The following LNPK variants were observed in gnomAD, a reference collection of about 807,000 sequenced individuals.
LNPK encodes the protein lunapark, ER junction formation factor.
Under a neutral mutation model 55.2 loss-of-function variants are expected in LNPK, and 29 were observed. The ratio of observed to expected loss-of-function variants is 0.53; its 90% CI spans 0.39 to 0.72. The LOEUF is 0.72. Among genes scored for constraint, LNPK ranks in the 30% least tolerant of loss-of-function variants. The pLI, the probability that LNPK is intolerant of heterozygous loss-of-function variation, is 0.00. For synonymous variants in LNPK, 162 were observed against 168.2 expected, an observed-to-expected ratio of 0.96 and a Z score of 0.29; for missense variants, 467 against 494.8, an observed-to-expected ratio of 0.94 and a Z score of 0.53.
intron 8 of LNPK, among the ~76,000 whole-genome samples, chr2:175,962,698 AC>A (rs1236036683): frequency 5.9e-5 from 9 of 152,228 alleles, no homozygotes; most frequent in Non-Finnish European, 1.2e-4. Flanking sequence ...GCCACAATAG[AC>A]AAATGGGATC....
chr2:175,979,071 T>C (rs946277621), intron 5 of LNPK, among the ~76,000 whole-genome samples: 4 of 152,078 alleles, frequency 2.6e-5, no homozygotes, highest in Non-Finnish European at 4.4e-5. Flanking sequence ...AAAGTTAATA[T>C]TTTTATATTT....
chr2:175,937,652 A>G, intron 11 of LNPK, 138 bp from the exon 12 acceptor site: 2 of 593,620 alleles, frequency 3.4e-6, no homozygotes, highest in Non-Finnish European at 5.8e-6. Flanking sequence ...TTTAAATAAT[A>G]ATATGGTAGA....
chr2:175,953,461 A>C (rs1313489282), intron 8 of LNPK, among the ~76,000 whole-genome samples: 1 of 152,150 alleles, frequency 6.6e-6, no homozygotes, highest in African/African-American at 2.4e-5. Flanking sequence ...TATCTTCTAC[A>C]GAAACCAGTA....
chr2:175,961,098 T>C, intron 8 of LNPK, among the ~76,000 whole-genome samples: 1 of 152,142 alleles, frequency 6.6e-6, no homozygotes, highest in Non-Finnish European at 1.5e-5. Flanking sequence ...CAGGACCAAA[T>C]GAATTCACAG....
In LNPK at chr2:175,929,137, C is replaced by A. The variant is rs1389810789; in HGVS notation, c.*830G>T. ...AATGAAACTGATGCCAGATTATTTT[C>A]ATTTTCCTTAATAAAATACAAACAA... On this transcript the variant is annotated 3_prime_UTR_variant, in exon 13 of 13. Coordinates refer to ENST00000272748, the MANE Select transcript of LNPK (RefSeq NM_030650.3). The A allele has an allele frequency of 9.2e-6, 9 of 983,364 alleles. No homozygotes were observed. The highest frequency in any genetic ancestry group is 1.1e-5 in the Non-Finnish European group (9 of 827,718). 60.9% of individuals were successfully genotyped at this position (983,364 alleles called of 1,614,324 possible).
At chr2:175,938,029 G>C (rs1284223999) in intron 11 of LNPK, among the ~76,000 whole-genome samples, 1 of 152,142 alleles carries the variant, frequency 6.6e-6, no homozygotes, top group Non-Finnish European at 1.5e-5. Flanking sequence ...CATTAAAGGA[G>C]ACTCTTTGTA....
intron 8 of LNPK, among the ~76,000 whole-genome samples, chr2:175,962,028 A>C (rs1224740428): frequency 6.6e-6 from 1 of 152,224 alleles, no homozygotes; most frequent in African/African-American, 2.4e-5. Context: ...GGAGAACTAC[A>C]AACCACTACT....
chr2:175,960,321 T>TAAAAGAA (rs1685949123), intron 8 of LNPK, among the ~76,000 whole-genome samples: 1 of 152,142 alleles, frequency 6.6e-6, no homozygotes, highest in African/African-American at 2.4e-5. Flanking sequence ...AAAGCACTCC[T>TAAAAGAA]CAGCAAATGT....
intron 2 of LNPK, chr2:175,994,272 T>C: frequency 2.0e-6 from 2 of 975,934 alleles, no homozygotes; most frequent in Non-Finnish European, 2.4e-6. Flanking sequence ...CAATTTCATA[T>C]GGTTCAACCT....
intron 9 of LNPK, among the ~76,000 whole-genome samples, chr2:175,947,153 C>T (rs1215462032): frequency 1.3e-5 from 2 of 152,114 alleles, no homozygotes; most frequent in Admixed American, 6.5e-5. Flanking sequence ...TTTCTTCTAT[C>T]CCTGTTTTAT....
intron 5 of LNPK, among the ~76,000 whole-genome samples, chr2:175,974,915 G>A (rs1686836971): frequency 6.6e-6 from 1 of 150,828 alleles, no homozygotes. Flanking sequence ...TCATAACCAC[G>A]TCCAGATCTG....
intron 6 of LNPK, among the ~76,000 whole-genome samples, chr2:175,968,085 A>T (rs1686464456): frequency 6.6e-6 from 1 of 152,204 alleles, no homozygotes; most frequent in Admixed American, 6.5e-5. Context: ...ATAAATGCCC[A>T]CAAAACTGAT....
At chr2:175,995,756 C>CCACAT (rs927917128) in intron 1 of LNPK, 110 bp from the exon 2 acceptor site, 7 of 351,240 alleles carry the variant, frequency 2.0e-5, no homozygotes, top group Non-Finnish European at 3.6e-5. Flanking sequence ...TATTTGGATG[C>CCACAT]CACATATATG....
intron 8 of LNPK, among the ~76,000 whole-genome samples, chr2:175,949,101 G>C (rs749723122): frequency 3.9e-5 from 6 of 151,906 alleles, no homozygotes; most frequent in Non-Finnish European, 7.4e-5. Context: ...AAAATTACTG[G>C]GATCAACTAA....
chr2:175,982,074 C>T (rs953277945), intron 4 of LNPK, among the ~76,000 whole-genome samples: 2 of 152,072 alleles, frequency 1.3e-5, no homozygotes, highest in Non-Finnish European at 2.9e-5. Context: ...TTTGTCCTTA[C>T]CAAGGGAAGG....
chr2:175,967,198 TG>T (rs1279712280), intron 6 of LNPK, among the ~76,000 whole-genome samples: 2 of 152,194 alleles, frequency 1.3e-5, no homozygotes, highest in African/African-American at 2.4e-5. Flanking sequence ...CTATCGTTAG[TG>T]TTAAAGAATG....
chr2:175,940,885 T>G (rs1018232325), intron 9 of LNPK: 2 of 389,304 alleles, frequency 5.1e-6, no homozygotes, highest in African/African-American at 4.4e-5. Flanking sequence ...ATCCACAGAT[T>G]ATGTGTACAA....
intron 4 of LNPK, among the ~76,000 whole-genome samples, chr2:175,984,945 TGGAAA>T (rs1287576822): frequency 5.3e-5 from 8 of 152,210 alleles, no homozygotes; most frequent in Non-Finnish European, 1.2e-4. Context: ...TAGCAAGAAC[TGGAAA>T]CAATGCAAAT....
rs138647534 is a variant in LNPK at position 175,959,397 on chromosome 2, C to T, written c.493+4975G>A. On this transcript the variant is annotated intron_variant, in intron 8 of 12. Coordinates refer to ENST00000272748, the MANE Select transcript of LNPK (RefSeq NM_030650.3). ...GCAGAAACTACGAGACAGAAGAGAG[C>T]GGGGGTCAATATTCAACATTCTTAA... 1.1e-3 allele frequency among the ~76,000 whole-genome samples: 163 copies of T among 152,216 alleles called. 1 individual carries two copies. Among genetic ancestry groups the T allele is most frequent in the African/African-American group, 3.4e-3 (143 of 41,528 alleles).
Sources: gnomAD v4.1 joint callset for allele counts (sites outside exome capture counted in the v4.1 genomes callset) on GRCh38, gnomAD v4.1.1 for gene constraint, MANE v1.5 for transcripts, NCBI Gene and HGNC (gene_info 2026-07-23, HGNC 2026-07-21) for gene names.